Variants in WDR20 observed in about 807,000 individuals in gnomAD.
WDR20 encodes WD repeat domain 20, also known as WD repeat-containing protein 20.
In WDR20, 3 loss-of-function variants were observed where a neutral mutation model predicts 38.7. That is an observed-to-expected ratio of 0.08 (90% CI 0.04 to 0.20). The LOEUF (loss-of-function observed/expected upper bound fraction) is 0.20. Ranked by LOEUF, WDR20 falls within the 10% of genes least tolerant of loss-of-function variation. The pLI, the probability that WDR20 is intolerant of heterozygous loss-of-function variation, is 1.00. For missense variants in WDR20, 559 were observed against 727.7 expected (o/e 0.77, Z 2.67); for synonymous variants, 298 against 285.6 (o/e 1.04, Z -0.44).
At chr14:102,140,197 C>T in intron 1 of WDR20, 25 bp downstream of exon 1, 1 of 1,607,222 alleles carries the variant, frequency 6.2e-7, no homozygotes, top group Non-Finnish European at 8.5e-7. Flanking sequence ...GTCACCGGAG[C>T]CAGCCAGCGG....
chr14:102,197,544 A>G (rs1447561973), intron 2 of WDR20, among the ~76,000 whole-genome samples: 1 of 152,262 alleles, frequency 6.6e-6, no homozygotes, highest in East Asian at 1.9e-4. Context: ...ACAACTAGGC[A>G]TGTGAAAGAA....
At chr14:102,154,882 T>C (rs2056996840) in intron 1 of WDR20, among the ~76,000 whole-genome samples, 3 of 152,210 alleles carry the variant, frequency 2.0e-5, no homozygotes, top group Admixed American at 2.0e-4. Context: ...TTTATTGTTA[T>C]TGTTCCTACT....
chr14:102,194,583 A>G (rs921561119), intron 1 of WDR20, among the ~76,000 whole-genome samples: 1 of 152,210 alleles, frequency 6.6e-6, no homozygotes, highest in African/African-American at 2.4e-5. Flanking sequence ...CGAGCTTTTT[A>G]TGTGGTTACT....
At chr14:102,205,431 A>T (rs1175938266) in intron 2 of WDR20, among the ~76,000 whole-genome samples, 2 of 152,206 alleles carry the variant, frequency 1.3e-5, no homozygotes, top group Non-Finnish European at 2.9e-5. Context: ...CTCAGGACAG[A>T]GGATCCGGAA....
In WDR20 at chr14:102,207,906, C is replaced by T. The variant is rs971631530; in HGVS notation, c.433-697C>T. Among the ~76,000 whole-genome samples the T allele has an allele frequency of 1.3e-5, 2 of 152,160 alleles. No individual in the cohort carries two copies. The highest frequency in any genetic ancestry group is 1.9e-4 in the East Asian group (1 of 5,200). On this transcript the variant is annotated intron_variant, in intron 2 of 2. Transcript: ENST00000342702. This position sits in a 1 kb window ranked among gnomAD's most constrained non-coding sequence, Gnocchi z 5.0. ...GTGATGGTAATGAGACACACACTCC[C>T]GAATGAATCGTCAGTGTATCTCTCT... is the stretch of plus-strand genomic sequence containing the variant.
At chr14:102,177,208 G>A (rs1220915480) in intron 1 of WDR20, among the ~76,000 whole-genome samples, 1 of 152,238 alleles carries the variant, frequency 6.6e-6, no homozygotes, top group Non-Finnish European at 1.5e-5. Context: ...TAGCTGAGCT[G>A]AGACCATTGT....
At chr14:102,144,409 G>T (rs2052767129) in intron 1 of WDR20, among the ~76,000 whole-genome samples, 1 of 151,374 alleles carries the variant, frequency 6.6e-6, no homozygotes, top group Non-Finnish European at 1.5e-5. Context: ...TTGAACCCTG[G>T]AGTCGGAGGT....
intron 1 of WDR20, among the ~76,000 whole-genome samples, chr14:102,143,908 G>A (rs748483079): frequency 3.1e-4 from 47 of 151,932 alleles, no homozygotes; most frequent in Non-Finnish European, 6.2e-4. Flanking sequence ...CGGGTGCAGT[G>A]GCTCATACCT....
intron 1 of WDR20, among the ~76,000 whole-genome samples, chr14:102,168,386 C>T (rs1259777252): frequency 6.6e-6 from 1 of 151,778 alleles, no homozygotes; most frequent in African/African-American, 2.4e-5. Flanking sequence ...TATCCCACAG[C>T]TGTTAGTAAT....
intron 1 of WDR20, among the ~76,000 whole-genome samples, chr14:102,149,954 A>C (rs2055163004): frequency 6.6e-6 from 1 of 152,176 alleles, no homozygotes; most frequent in African/African-American, 2.4e-5. Flanking sequence ...TGGCCTCCCA[A>C]AGTGCTGGGA....
intron 1 of WDR20, among the ~76,000 whole-genome samples, chr14:102,181,707 T>C (rs1441667105): frequency 2.6e-5 from 4 of 152,198 alleles, no homozygotes; most frequent in African/African-American, 4.8e-5. Flanking sequence ...AAAATTTTAA[T>C]TCTATATATT....
upstream of WDR20, chr14:102,139,516 C>G: frequency 8.5e-7 from 1 of 1,170,800 alleles, no homozygotes; most frequent in Non-Finnish European, 1.2e-6. Flanking sequence ...GGGCGGGAGA[C>G]CGCTGAGGAG....
chr14:102,196,259 G>A lies in WDR20; in HGVS notation c.432+1139G>A, dbSNP rs116542463. Among the ~76,000 whole-genome samples, 692 of 151,980 alleles carry A rather than the reference G, an allele frequency of 4.6e-3. 6 individuals carry two copies. The highest frequency in any genetic ancestry group is 0.015 in the African/African-American group (641 of 41,388). On this transcript the variant is annotated intron_variant, in intron 2 of 2. Coordinates refer to ENST00000342702, the MANE Select transcript of WDR20 (RefSeq NM_144574.4). ...TCTTCTAGTTTCCTCTGAGTTGACTGGAAACAAAACTTGCCATCTGGACTG... is the reference window on the plus strand; with the variant it reads ...TCTTCTAGTTTCCTCTGAGTTGACTAGAAACAAAACTTGCCATCTGGACTG...
In WDR20 at chr14:102,186,726, C is replaced by T. The variant is rs189880889; in HGVS notation, c.250-8212C>T. 2.9e-3 allele frequency among the ~76,000 whole-genome samples: 438 copies of T among 152,006 alleles called. 4 individuals are homozygous for T. The highest frequency in any genetic ancestry group is 0.01 in the African/African-American group (416 of 41,450). ...CAGCACTTTGGGAGGCCGAGGCAGG[C>T]GGATCACGAGGTCAGGAGATGGAGA... On this transcript the variant is annotated intron_variant, in intron 1 of 2. Coordinates refer to ENST00000342702, the MANE Select transcript of WDR20 (RefSeq NM_144574.4).
downstream of WDR20, chr14:102,214,277 G>A (rs150978839): frequency 6.6e-4 from 654 of 985,536 alleles, 5 homozygotes; most frequent in African/African-American, 0.01. Flanking sequence ...CCTTCGCCAC[G>A]GGCTGATTGG....
intron 1 of WDR20, among the ~76,000 whole-genome samples, chr14:102,141,809 A>G (rs1292642262): frequency 6.6e-6 from 1 of 152,212 alleles, no homozygotes; most frequent in Non-Finnish European, 1.5e-5. Context: ...CAGGAAATTA[A>G]GTTTAGAATT....
chr14:102,187,429 C>T (rs2065128142), intron 1 of WDR20, among the ~76,000 whole-genome samples: 1 of 151,524 alleles, frequency 6.6e-6, no homozygotes. Flanking sequence ...CTCAGGAGGA[C>T]ATGACATCTC....
intron 1 of WDR20, among the ~76,000 whole-genome samples, chr14:102,149,221 G>A (rs1423186172): frequency 2.0e-5 from 3 of 152,066 alleles, no homozygotes; most frequent in Non-Finnish European, 4.4e-5. Context: ...TGTAGAGACT[G>A]GGTCTTGCTG....
At chr14:102,152,287 AAGAC>A (rs1337534997) in intron 1 of WDR20, among the ~76,000 whole-genome samples, 1 of 152,160 alleles carries the variant, frequency 6.6e-6, no homozygotes, top group African/African-American at 2.4e-5. Context: ...ATTGATAAGA[AAGAC>A]AGCAAGATTT....
Sources: gnomAD v4.1 joint callset for allele counts (sites outside exome capture counted in the v4.1 genomes callset) on GRCh38, gnomAD v4.1.1 for gene constraint, Gnocchi (gnomAD v3.1) non-coding constraint, MANE v1.5 for transcripts, NCBI Gene and HGNC (gene_info 2026-07-23, HGNC 2026-07-21) for gene names.